The following DOCK9 variants were observed in gnomAD, a reference collection of about 807,000 sequenced individuals.
The protein encoded by DOCK9 is dedicator of cytokinesis 9, also known as dedicator of cytokinesis protein 9.
In DOCK9, 89 loss-of-function variants were observed where a neutral mutation model predicts 263.3. That is an observed-to-expected ratio of 0.34 (90% CI 0.28 to 0.40). DOCK9 has a LOEUF of 0.40. DOCK9 is among the 10% of genes least tolerant of loss of function. The probability of loss-of-function intolerance (pLI) is 1.00; values close to 1 mark genes in which losing one functional copy is unlikely to be tolerated. For missense variants in DOCK9, 2,140 were observed against 2,603.4 expected (o/e 0.82, Z 3.87); for synonymous variants, 976 against 973.1 (o/e 1.00, Z -0.06).
At chr13:99,058,278 C>T (rs1256510180) in intron 1 of DOCK9, among the ~76,000 whole-genome samples, 1 of 151,872 alleles carries the variant, frequency 6.6e-6, no homozygotes. Context: ...GATTCTCCTG[C>T]CTCGGCCTCC....
chr13:98,897,727 G>T (rs906394961), intron 14 of DOCK9, 117 bp from the exon 15 acceptor site: 16 of 1,369,214 alleles, frequency 1.2e-5, no homozygotes, highest in South Asian at 4.2e-5. Flanking sequence ...ATAGCCAACA[G>T]AAATCTCATT....
intron 30 of DOCK9, 48 bp downstream of exon 30, chr13:98,867,377 T>C: frequency 1.9e-6 from 2 of 1,042,656 alleles, no homozygotes; most frequent in Non-Finnish European, 2.9e-6. Context: ...TTATTGAAAA[T>C]AAATGTCTCT....
At chr13:98,939,081 A>C (rs1479923117) in intron 2 of DOCK9, among the ~76,000 whole-genome samples, 1 of 152,264 alleles carries the variant, frequency 6.6e-6, no homozygotes, top group Non-Finnish European at 1.5e-5. Flanking sequence ...GGGAGTACCC[A>C]GCAGCCTCCC....
intron 1 of DOCK9, among the ~76,000 whole-genome samples, chr13:99,014,623 C>T (rs574266898): frequency 2.6e-5 from 4 of 152,162 alleles, no homozygotes; most frequent in Non-Finnish European, 5.9e-5. Flanking sequence ...CTGCATGCTT[C>T]GCTGTACCAA....
chr13:98,909,306 T>C (rs2049630516), intron 9 of DOCK9, among the ~76,000 whole-genome samples: 1 of 152,184 alleles, frequency 6.6e-6, no homozygotes, highest in Admixed American at 6.5e-5. Context: ...TTTTCTTCTT[T>C]GTCTTAAGAA....
At chr13:98,994,640 GTATA>G (rs1366628647) in intron 1 of DOCK9, among the ~76,000 whole-genome samples, 2 of 151,922 alleles carry the variant, frequency 1.3e-5, no homozygotes, top group African/African-American at 2.4e-5. Flanking sequence ...AGATATGAGT[GTATA>G]TATTATGTAA....
At chr13:98,884,236 G>T (rs2045324547) in intron 21 of DOCK9, among the ~76,000 whole-genome samples, 1 of 152,226 alleles carries the variant, frequency 6.6e-6, no homozygotes, top group African/African-American at 2.4e-5. Context: ...CCAGTAAAAG[G>T]TGCCAGATAA....
intron 2 of DOCK9, among the ~76,000 whole-genome samples, chr13:98,933,504 G>C (rs1406190290): frequency 6.6e-6 from 1 of 152,040 alleles, no homozygotes; most frequent in African/African-American, 2.4e-5. Context: ...ATTTTTAAAA[G>C]AGGTTTACAC....
At chr13:99,036,894 A>G (rs1887945120) in intron 1 of DOCK9, among the ~76,000 whole-genome samples, 1 of 152,178 alleles carries the variant, frequency 6.6e-6, no homozygotes, top group African/African-American at 2.4e-5. Context: ...AACAACTAAG[A>G]CATCTGAAAA....
At chr13:98,925,574 CT>C (rs1384324887) in intron 4 of DOCK9, among the ~76,000 whole-genome samples, 2 of 152,098 alleles carry the variant, frequency 1.3e-5, no homozygotes, top group African/African-American at 4.8e-5. Context: ...AAAATTTCAC[CT>C]ATTTATTTAT....
At chr13:99,004,673 C>G (rs1057348838) in intron 1 of DOCK9, among the ~76,000 whole-genome samples, 7 of 152,098 alleles carry the variant, frequency 4.6e-5, no homozygotes, top group African/African-American at 1.7e-4. Flanking sequence ...GAAACAAATG[C>G]TGATTGAAAC....
In DOCK9 at chr13:98,977,790, A is replaced by G. The variant is rs1875481348; in HGVS notation, c.120T>C (p.Pro40=). 1.2e-6 allele frequency: 2 copies of G among 1,611,670 alleles called. No homozygotes were observed. The highest frequency in any genetic ancestry group is 1.1e-5 in the South Asian group (1 of 90,402). The change falls in exon 1 of 53, where the codon CCT becomes CCC. Residue 40 remains proline (P), a synonymous_variant. Coordinates refer to ENST00000682017, the MANE Select transcript of DOCK9 (RefSeq NM_001366683.2). The part of the protein sequence containing the change: ...QGEVEAESPG[P]VPAKPKLIEP... Reference sequence around the variant, plus strand: ...TTGTACGAGACCCTCTTACCGGCACAGGGCCCGGGCTCTCTGCTTCCACTT... The same window carrying G: ...TTGTACGAGACCCTCTTACCGGCACGGGGCCCGGGCTCTCTGCTTCCACTT...
At chr13:98,978,269 G>A (rs1433156798), upstream of DOCK9, among the ~76,000 whole-genome samples, 8 of 152,222 alleles carry the variant, frequency 5.3e-5, no homozygotes, top group East Asian at 1.5e-3. Context: ...AAATACTGCA[G>A]TGTTTAAAAG....
Position 98,865,623 on chromosome 13 carries a change from A to C in DOCK9, c.3286+1802T>G, listed in dbSNP as rs147863212. 7.4e-4 allele frequency among the ~76,000 whole-genome samples: 112 copies of C among 152,292 alleles called. 1 individual carries two copies. Among genetic ancestry groups the C allele is most frequent in the African/African-American group, 2.5e-3 (105 of 41,576 alleles). On this transcript the variant is annotated intron_variant, in intron 30 of 52. Transcript: ENST00000682017. The stretch of plus-strand genomic sequence containing the variant: ...AGAGCTTGTGCTGCCCTGCTGGGTC[A>C]TGGGGAGATGGGCATCAGCACACAT...
chr13:99,035,148 A>T (rs1348566220), intron 1 of DOCK9, among the ~76,000 whole-genome samples: 1 of 151,966 alleles, frequency 6.6e-6, no homozygotes, highest in Non-Finnish European at 1.5e-5. Flanking sequence ...ATGCAGAAGA[A>T]AGATCAAATT....
intron 34 of DOCK9, among the ~76,000 whole-genome samples, chr13:98,855,635 C>T (rs2093688856): frequency 6.6e-6 from 1 of 152,068 alleles, no homozygotes; most frequent in South Asian, 2.1e-4. Flanking sequence ...TTGAGTCCCT[C>T]CCCGTTCAAC....
chr13:98,981,337 G>A (rs1877152457), upstream of DOCK9, among the ~76,000 whole-genome samples: 1 of 152,172 alleles, frequency 6.6e-6, no homozygotes, highest in African/African-American at 2.4e-5. Context: ...GATTATAGAT[G>A]TGAGCTACCA....
intron 13 of DOCK9, among the ~76,000 whole-genome samples, chr13:98,899,797 C>T (rs749261543): frequency 1.9e-4 from 29 of 152,188 alleles, no homozygotes; most frequent in South Asian, 2.1e-4. Flanking sequence ...AGCTCTCGGA[C>T]ATATGAAGGG....
intron 49 of DOCK9, among the ~76,000 whole-genome samples, chr13:98,802,394 G>A (rs2090214310): frequency 6.6e-6 from 1 of 152,222 alleles, no homozygotes; most frequent in Admixed American, 6.5e-5. Flanking sequence ...ACTGGCTCTG[G>A]AAGGTGGACA....
Sources: gnomAD v4.1 joint callset for allele counts (sites outside exome capture counted in the v4.1 genomes callset) on GRCh38, gnomAD v4.1.1 for gene constraint, MANE v1.5 for transcripts, NCBI Gene and HGNC (gene_info 2026-07-23, HGNC 2026-07-21) for gene names.